Variants in RALYL observed in about 807,000 individuals in gnomAD.
The protein encoded by RALYL is RNA-binding Raly-like protein.
RALYL carries 29 observed loss-of-function variants against 35.1 expected under a neutral mutation model. The ratio of observed to expected loss-of-function variants is 0.83; its 90% CI spans 0.61 to 1.13. The LOEUF (loss-of-function observed/expected upper bound fraction) is 1.13, where lower values mean the gene tolerates loss of function less well. Among genes scored for constraint, RALYL ranks in the 50% most tolerant of loss-of-function variants. The probability of loss-of-function intolerance (pLI) is 0.00; values close to 1 mark genes in which losing one functional copy is unlikely to be tolerated. For synonymous variants in RALYL, 120 were observed against 127.6 expected (o/e 0.94, Z 0.40); for missense variants, 359 against 360.4 (o/e 1.00, Z 0.03).
At chr8:84,918,251 T>C (rs570952738) in intron 8 of RALYL, among the ~76,000 whole-genome samples, 2 of 152,122 alleles carry the variant, frequency 1.3e-5, no homozygotes, top group East Asian at 1.9e-4. Context: ...CTGGGCAGAG[T>C]GTAAATAAGG....
intron 2 of RALYL, among the ~76,000 whole-genome samples, chr8:84,555,324 C>T (rs1429235154): frequency 1.3e-5 from 2 of 152,066 alleles, no homozygotes; most frequent in Non-Finnish European, 2.9e-5. Context: ...TGTTGGCTCC[C>T]ACATGATTAC....
At chr8:84,278,291 C>A (rs1225331696) in intron 1 of RALYL, among the ~76,000 whole-genome samples, 1 of 152,204 alleles carries the variant, frequency 6.6e-6, no homozygotes, top group East Asian at 1.9e-4. Flanking sequence ...ACAGCTAGAG[C>A]TGAAGAGTCT....
At chr8:84,581,219 A>G (rs1810751447) in intron 2 of RALYL, among the ~76,000 whole-genome samples, 1 of 152,168 alleles carries the variant, frequency 6.6e-6, no homozygotes, top group Non-Finnish European at 1.5e-5. Flanking sequence ...TAAGTCATTA[A>G]GTTCAGTTGT....
chr8:84,508,619 G>A (rs1283649547), intron 1 of RALYL, among the ~76,000 whole-genome samples: 1 of 151,994 alleles, frequency 6.6e-6, no homozygotes, highest in Non-Finnish European at 1.5e-5. Context: ...TCTTAAGTTA[G>A]TACTGCATGC....
At chr8:84,613,641 G>T (rs922871736) in intron 2 of RALYL, among the ~76,000 whole-genome samples, 39 of 151,376 alleles carry the variant, frequency 2.6e-4, no homozygotes, top group African/African-American at 8.3e-4. Context: ...AGATATAATA[G>T]GTAATATCCA....
At chr8:84,369,392 TA>T (rs1242725753) in intron 1 of RALYL, among the ~76,000 whole-genome samples, 2 of 152,082 alleles carry the variant, frequency 1.3e-5, no homozygotes, top group African/African-American at 4.8e-5. Context: ...GAAACTGTGG[TA>T]ATTTTCTGTC....
At position 84,342,277 on chromosome 8, in the gene RALYL, A is replaced by ATATATATATATATAT. The variant is rs1848942440; in HGVS notation, c.-24+157853_-24+157854insTATATATATATATAT. Among the ~76,000 whole-genome samples the ATATATATATATATAT allele has an allele frequency of 1.1e-3, 74 of 66,134 alleles. 5 individuals carry two copies. The highest frequency in any genetic ancestry group is 4.4e-3 in the African/African-American group (59 of 13,340). 43.4% of individuals were successfully genotyped at this position (66,134 alleles called of 152,430 possible). ...TGAGTGAGGGTACAGAGCATCGTTCAATATATATATATATATATAAAACTC... is the reference window on the plus strand; with the variant it reads ...TGAGTGAGGGTACAGAGCATCGTTCATATATATATATATATATATATATATATATATATAAAACTC... On this transcript the variant is annotated intron_variant, in intron 1 of 8. Transcript: ENST00000521268.
intron 1 of RALYL, among the ~76,000 whole-genome samples, chr8:84,317,007 A>G (rs1181925408): frequency 6.6e-6 from 1 of 151,476 alleles, no homozygotes; most frequent in Non-Finnish European, 1.5e-5. Context: ...AAAGCACTCC[A>G]GAGCTAGATT....
intron 7 of RALYL, among the ~76,000 whole-genome samples, chr8:84,874,588 G>A (rs1840792935): frequency 1.3e-5 from 2 of 152,180 alleles, no homozygotes; most frequent in Admixed American, 1.3e-4. Flanking sequence ...ACAGGAGCCT[G>A]TCAGTTTGTT....
intron 1 of RALYL, among the ~76,000 whole-genome samples, chr8:84,252,133 C>A (rs1300900680): frequency 6.6e-6 from 1 of 151,830 alleles, no homozygotes; most frequent in Non-Finnish European, 1.5e-5. Flanking sequence ...TCTTTGAGTC[C>A]AAAATTTTTA....
intron 1 of RALYL, among the ~76,000 whole-genome samples, chr8:84,445,076 A>G (rs1231528391): frequency 6.6e-6 from 1 of 152,068 alleles, no homozygotes; most frequent in African/African-American, 2.4e-5. Flanking sequence ...TTTTTTAGCA[A>G]TGACCAAAAT....
chr8:84,443,007 G>T (rs140723577), intron 1 of RALYL, among the ~76,000 whole-genome samples: 2 of 152,240 alleles, frequency 1.3e-5, no homozygotes, highest in East Asian at 1.9e-4. Context: ...TGAAGCTGTT[G>T]TGAAGGCTAA....
intron 2 of RALYL, among the ~76,000 whole-genome samples, chr8:84,620,871 C>T (rs536359851): frequency 2.6e-5 from 4 of 152,258 alleles, no homozygotes; most frequent in African/African-American, 7.2e-5. Flanking sequence ...TGTCAGTGTG[C>T]CCCTGCTGGG....
intron 1 of RALYL, among the ~76,000 whole-genome samples, chr8:84,278,389 G>T (rs1217790333): frequency 6.6e-6 from 1 of 152,234 alleles, no homozygotes; most frequent in Non-Finnish European, 1.5e-5. Flanking sequence ...AGGCCTCCAG[G>T]CCTGTGATGG....
chr8:84,367,246 C>G (rs1854524545), intron 1 of RALYL, among the ~76,000 whole-genome samples: 1 of 147,554 alleles, frequency 6.8e-6, no homozygotes, highest in Admixed American at 6.8e-5. Context: ...AGCGATTCTC[C>G]TGCCTCAGCC....
intron 1 of RALYL, among the ~76,000 whole-genome samples, chr8:84,207,820 G>GTA (rs3078265): frequency 0.018 from 2,649 of 145,972 alleles, 34 homozygotes; most frequent in Admixed American, 0.036. Flanking sequence ...GTGTGTGTGT[G>GTA]TATATATATA....
chr8:84,387,826 A>T (rs1859597960), intron 1 of RALYL, among the ~76,000 whole-genome samples: 1 of 145,194 alleles, frequency 6.9e-6, no homozygotes. Flanking sequence ...TTTGATTGTA[A>T]GATAGCTACA....
At chr8:84,696,552 A>T (rs942558816) in intron 2 of RALYL, among the ~76,000 whole-genome samples, 3 of 151,974 alleles carry the variant, frequency 2.0e-5, no homozygotes, top group African/African-American at 7.2e-5. Flanking sequence ...GATTCATTTA[A>T]GTATTTACTG....
chr8:84,804,680 TATA>T (rs1212188522), intron 3 of RALYL, 87 bp from the exon 4 acceptor site: 1 of 562,270 alleles, frequency 1.8e-6, no homozygotes, highest in Non-Finnish European at 2.7e-6. Flanking sequence ...TCCAAACAAG[TATA>T]ATAATTTTGT....
Sources: allele counts gnomAD v4.1 joint callset (sites outside exome capture counted in the v4.1 genomes callset), GRCh38; gene constraint gnomAD v4.1.1; transcripts MANE v1.5; gene names NCBI Gene and HGNC (gene_info 2026-07-23, HGNC 2026-07-21).